The following FOXL2 variants were observed in gnomAD, a reference collection of about 807,000 sequenced individuals.
FOXL2 encodes forkhead box L2.
Under a neutral mutation model 2.5 loss-of-function variants are expected in FOXL2, and 3 were observed. The observed-to-expected ratio is 1.20, with a 90% CI of 0.55 to 3.11. The LOEUF is 3.11. Among genes scored for constraint, FOXL2 ranks in the 30% most tolerant of loss-of-function variants. The pLI is 0.03. For synonymous variants in FOXL2, 315 were observed against 269.4 expected, an observed-to-expected ratio of 1.17 and a Z score of -1.66; for missense variants, 512 against 570.0, an observed-to-expected ratio of 0.90 and a Z score of 1.04.
Position 138,945,249 on chromosome 3 carries a change from CCGCCCCGG to C in FOXL2, c.*335_*342del. The C allele has an allele frequency of 2.2e-4, 54 of 245,612 alleles. No individual in the cohort carries two copies. Among genetic ancestry groups the C allele is most frequent in the South Asian group, 1.2e-3 (7 of 5,890 alleles). 15.2% of individuals were successfully genotyped at this position (245,612 alleles called of 1,614,324 possible). ...GCGCTGCCGACGCCCGGTCGCACCT[CCGCCCCGG>C]GCCCTTTCCGCGGTGAATTTGGGCA... On this transcript the variant is annotated 3_prime_UTR_variant, in exon 1 of 1. Coordinates refer to ENST00000648323, the MANE Select transcript of FOXL2 (RefSeq NM_023067.4).
chr3:138,946,916 C>T lies in FOXL2; in HGVS notation c.-194G>A, dbSNP rs928301280. 9.5e-6 allele frequency: 8 copies of T among 838,734 alleles called. No individual in the cohort carries two copies. The highest frequency in any genetic ancestry group is 1.8e-5 in the African/African-American group (1 of 55,908). 52.0% of individuals were successfully genotyped at this position (838,734 alleles called of 1,614,324 possible). On this transcript the variant is annotated 5_prime_UTR_variant, in exon 1 of 1. Coordinates refer to ENST00000648323, the MANE Select transcript of FOXL2 (RefSeq NM_023067.4). ...CCTTCCCCTTCCCCTAGGGAGCGGC[C>T]GGCGGGAGTGGAGCTCAGCCTCTGG...
Position 138,945,840 on chromosome 3 carries a change from G to T in FOXL2, c.883C>A (p.His295Asn). ...GCGGCCGCGTGCAGATGGTGTGCGT[G>T]CGGATGCGGGTGGGGGTGCGGCGGA... ...PPPPHPHPHP[H>N]AHHLHAAAAP... Residue 295 changes from histidine (H) to asparagine (N), a missense_variant, in exon 1 of 1, where the codon CAC (histidine) becomes AAC (asparagine). Transcript: ENST00000648323. 1 of 1,224,182 alleles carries T rather than the reference G, an allele frequency of 8.2e-7. No individual in the cohort carries two copies. Among genetic ancestry groups the T allele is most frequent in the East Asian group, 3.2e-5 (1 of 30,820 alleles). 75.8% of individuals were successfully genotyped at this position (1,224,182 alleles called of 1,614,324 possible). A position where few individuals can be genotyped will look rare whatever the true frequency, so the allele number is the denominator to read the frequency against.
rs1299820916 is a variant in FOXL2 at position 138,944,487 on chromosome 3, A to G, written c.*1105T>C. ...GTTTGAAAAACAAAAAGCAGGGAGGACGAGCCGTCCCAGCAGCGTGGGCCA... is the reference window on the plus strand; with the variant it reads ...GTTTGAAAAACAAAAAGCAGGGAGGGCGAGCCGTCCCAGCAGCGTGGGCCA... On this transcript the variant is annotated 3_prime_UTR_variant, in exon 1 of 1. Transcript: ENST00000648323. The G allele has an allele frequency of 4.3e-6, 1 of 232,942 alleles. No homozygotes were observed. Among genetic ancestry groups the G allele is most frequent in the Non-Finnish European group, 8.5e-6 (1 of 117,708 alleles). The allele number at this position is 232,942 out of a possible 1,614,324, so 14.4% of individuals were successfully genotyped here. A position where few individuals can be genotyped will look rare whatever the true frequency, so the allele number is the denominator to read the frequency against.
Position 138,946,773 on chromosome 3 carries a change from G to C in FOXL2, c.-51C>G, listed in dbSNP as rs1307220030. 1 of 1,541,652 alleles carries C rather than the reference G, an allele frequency of 6.5e-7. No homozygotes were observed. The highest frequency in any genetic ancestry group is 2.0e-5 in the Admixed American group (1 of 49,140). ...GCCGCCTCTGCTCTCCGCTCCAGGC[G>C]CTGGCGCGGCAAAGAGTTGGGGCGC... On this transcript the variant is annotated 5_prime_UTR_variant, in exon 1 of 1. Transcript: ENST00000648323.
In FOXL2 at chr3:138,945,999, C is replaced by A; in HGVS notation, c.724G>T (p.Ala242Ser). 5 of 1,400,026 alleles carry A rather than the reference C, an allele frequency of 3.6e-6. No homozygotes were observed. Among genetic ancestry groups the A allele is most frequent in the Non-Finnish European group, 3.7e-6 (4 of 1,090,090 alleles). The allele number at this position is 1,400,026 out of a possible 1,614,324, so 86.7% of individuals were successfully genotyped here. A position where few individuals can be genotyped will look rare whatever the true frequency, so the allele number is the denominator to read the frequency against. The change falls in exon 1 of 1, where the codon GCC (alanine) becomes TCC (serine). Residue 242 changes from alanine to serine, a missense_variant. Around this residue, in one of 5 missense-constraint regions of FOXL2, gnomAD observed 287 missense variants for 277.4 expected, o/e 1.03. Coordinates refer to ENST00000648323, the MANE Select transcript of FOXL2 (RefSeq NM_023067.4). ...CCCGCCAGCCCCTTGACCACAGCGG[C>A]CGCGCCAGGGCTACCGGGGCCCGCG... Reference protein sequence around the residue: ...AAAGPGSPGAAAVVKGLAGPA... With the variant: ...AAAGPGSPGASAVVKGLAGPA...
In FOXL2 at chr3:138,946,105, T is replaced by A. The variant is rs1935961083; in HGVS notation, c.618A>T (p.Leu206=). ...AGGGCATGGGTGAGGGAGGCTGCGG[T>A]AGCGGCCACGAGTTGTTGAGGAAGC... is the stretch of plus-strand genomic sequence containing the variant. ...QSGFLNNSWP[L]PQPPSPMPYA... is the part of the protein sequence containing the mutation. Residue 206 remains leucine (L), a synonymous_variant, in exon 1 of 1, where the codon CTA becomes CTT. Transcript: ENST00000648323. The A allele has an allele frequency of 6.8e-7, 1 of 1,476,956 alleles. No homozygotes were observed. The highest frequency in any genetic ancestry group is 8.9e-7 in the Non-Finnish European group (1 of 1,122,264). 91.5% of individuals were successfully genotyped at this position (1,476,956 alleles called of 1,614,324 possible).
Position 138,945,788 on chromosome 3 carries a change from T to A in FOXL2, c.935A>T (p.His312Leu). The A allele has an allele frequency of 8.6e-7, 1 of 1,166,252 alleles. No individual in the cohort carries two copies. Among genetic ancestry groups the A allele is most frequent in the Non-Finnish European group, 1.1e-6 (1 of 945,262 alleles). 72.2% of individuals were successfully genotyped at this position (1,166,252 alleles called of 1,614,324 possible). A position where few individuals can be genotyped will look rare whatever the true frequency, so the allele number is the denominator to read the frequency against. ...GCCCGGCGGCGGCGCGGCGGCCCCG[T>A]GGTGCGGTGGGGCAGGCGGCGGTGC... is the stretch of plus-strand genomic sequence containing the variant. ...AAAPPPAPPHHGAAAPPPGQL... is the reference protein window; with the variant it reads ...AAAPPPAPPHLGAAAPPPGQL... Residue 312 changes from histidine (H) to leucine (L), a missense_variant, in exon 1 of 1, where the codon CAC becomes CTC. Physicochemically the swap from His to Leu is moderately conservative, Grantham distance 99. Around this residue, in one of 5 missense-constraint regions of FOXL2, gnomAD observed 287 missense variants for 277.4 expected, o/e 1.03. Coordinates refer to ENST00000648323, the MANE Select transcript of FOXL2 (RefSeq NM_023067.4).
chr3:138,945,238 C>A lies in FOXL2; in HGVS notation c.*354G>T. 2.9e-5 allele frequency: 7 copies of A among 244,434 alleles called. No individual in the cohort carries two copies. Among genetic ancestry groups the A allele is most frequent in the South Asian group, 3.2e-4 (2 of 6,190 alleles). The allele number at this position is 244,434 out of a possible 1,614,324, so 15.1% of individuals were successfully genotyped here. Reference sequence around the variant, plus strand: ...CCAAGAGGTCTGCGCTGCCGACGCCCGGTCGCACCTCCGCCCCGGGCCCTT... The same window carrying A: ...CCAAGAGGTCTGCGCTGCCGACGCCAGGTCGCACCTCCGCCCCGGGCCCTT... On this transcript the variant is annotated 3_prime_UTR_variant, in exon 1 of 1. Transcript: ENST00000648323.
In FOXL2 at chr3:138,945,053, C is replaced by G; in HGVS notation, c.*539G>C. ...GGCCCCGCGGCAAGCGGCTTCTGAACAGCTTCAAGAGGGTTCGCGGAGCAA... is the reference window on the plus strand; with the variant it reads ...GGCCCCGCGGCAAGCGGCTTCTGAAGAGCTTCAAGAGGGTTCGCGGAGCAA... On this transcript the variant is annotated 3_prime_UTR_variant, in exon 1 of 1. Coordinates refer to ENST00000648323, the MANE Select transcript of FOXL2 (RefSeq NM_023067.4). The G allele has an allele frequency of 4.3e-6, 1 of 233,078 alleles. No homozygotes were observed. The highest frequency in any genetic ancestry group is 8.5e-6 in the Non-Finnish European group (1 of 117,898). 14.4% of individuals were successfully genotyped at this position (233,078 alleles called of 1,614,324 possible). A position where few individuals can be genotyped will look rare whatever the true frequency, so the allele number is the denominator to read the frequency against.
rs1411891527 is a variant in FOXL2, at chr3:138,946,701, G to T, written c.22C>A (p.Pro8Thr). MMASYPE[P>T]EDAAGALLAP... ...AGCAGGGCCCCCGCCGCGTCCTCGGGCTCGGGGTAGCTGGCCATCATGACA... is the reference window on the plus strand; with the variant it reads ...AGCAGGGCCCCCGCCGCGTCCTCGGTCTCGGGGTAGCTGGCCATCATGACA... Residue 8 changes from proline (P) to threonine (T), a missense_variant, in exon 1 of 1, where the codon CCC becomes ACC. Physicochemically the swap from Pro to Thr is conservative, Grantham distance 38. Coordinates refer to ENST00000648323, the MANE Select transcript of FOXL2 (RefSeq NM_023067.4). 6.3e-7 allele frequency: 1 copy of T among 1,582,784 alleles called. No individual in the cohort carries two copies. The highest frequency in any genetic ancestry group is 8.6e-7 in the Non-Finnish European group (1 of 1,165,348).
rs911759094 is a variant in FOXL2, at chr3:138,945,380, G to C, written c.*212C>G. 5.4e-6 allele frequency: 4 copies of C among 737,118 alleles called. No individual in the cohort carries two copies. In the Admixed American group the frequency reaches 9.1e-5, roughly 17 times the overall value. The allele number at this position is 737,118 out of a possible 1,614,324, so 45.7% of individuals were successfully genotyped here. On this transcript the variant is annotated 3_prime_UTR_variant, in exon 1 of 1. Coordinates refer to ENST00000648323, the MANE Select transcript of FOXL2 (RefSeq NM_023067.4). Reference sequence around the variant, plus strand: ...GTGCAAGGTCACAGAGGTCAGGGAGGTGAGCACAGGAGGACATAAACTGAG... The same window carrying C: ...GTGCAAGGTCACAGAGGTCAGGGAGCTGAGCACAGGAGGACATAAACTGAG...
Position 138,945,761 on chromosome 3 carries a change from T to G in FOXL2, c.962A>C (p.Gln321Pro), listed in dbSNP as rs1282430998. 8.5e-7 allele frequency: 1 copy of G among 1,179,456 alleles called. No homozygotes were observed. Among genetic ancestry groups the G allele is most frequent in the Admixed American group, 4.7e-5 (1 of 21,494 alleles). The allele number at this position is 1,179,456 out of a possible 1,614,324, so 73.1% of individuals were successfully genotyped here. Residue 321 changes from glutamine (Q) to proline (P), a missense_variant, in exon 1 of 1, where the codon CAG (glutamine) becomes CCG (proline). By Grantham distance (76) the Gln-to-Pro change is moderately conservative. Coordinates refer to ENST00000648323, the MANE Select transcript of FOXL2 (RefSeq NM_023067.4). ...HHGAAAPPPG[Q>P]LSPASPATAA... ...GGTGGCTGGGCTGGCAGGGCTGAGC[T>G]GGCCCGGCGGCGGCGCGGCGGCCCC...
At position 138,946,973 on chromosome 3, in the gene FOXL2, C is replaced by G; in HGVS notation, c.-251G>C. On this transcript the variant is annotated 5_prime_UTR_variant, in exon 1 of 1. Coordinates refer to ENST00000648323, the MANE Select transcript of FOXL2 (RefSeq NM_023067.4). ...GGAGTCCGCCCAACAGAGAGGGGCT[C>G]CGGCCTCGCCGCCCCTCCCCGCTCA... 3.6e-6 allele frequency: 2 copies of G among 561,044 alleles called. No individual in the cohort carries two copies. The highest frequency in any genetic ancestry group is 6.2e-6 in the Non-Finnish European group (2 of 321,136). The allele number at this position is 561,044 out of a possible 1,614,324, so 34.8% of individuals were successfully genotyped here.
In FOXL2 at chr3:138,945,621, C is replaced by G. The variant is rs1366646720; in HGVS notation, c.1102G>C (p.Gly368Arg). 1 of 1,610,640 alleles carries G rather than the reference C, an allele frequency of 6.2e-7. No individual in the cohort carries two copies. Among genetic ancestry groups the G allele is most frequent in the Non-Finnish European group, 8.5e-7 (1 of 1,178,462 alleles). ...CSYWDHDSKT[G>R]ALHSRLDL ...AGATCGAGGCGCGAATGCAGCGCGC[C>G]GGTCTTGCTGTCGTGGTCCCAGTAA... The change falls in exon 1 of 1, where the codon GGC becomes CGC. Residue 368 changes from glycine to arginine, a missense_variant. Gly to Arg is a moderately radical substitution (Grantham distance 125, BLOSUM62 -2). Coordinates refer to ENST00000648323, the MANE Select transcript of FOXL2 (RefSeq NM_023067.4).
In FOXL2 at chr3:138,945,387, C is replaced by G; in HGVS notation, c.*205G>C. ...GTCACAGAGGTCAGGGAGGTGAGCA[C>G]AGGAGGACATAAACTGAGGGGACAA... On this transcript the variant is annotated 3_prime_UTR_variant, in exon 1 of 1. Transcript: ENST00000648323. 1.2e-6 allele frequency: 1 copy of G among 825,204 alleles called. No homozygotes were observed. Among genetic ancestry groups the G allele is most frequent in the South Asian group, 1.9e-5 (1 of 54,038 alleles). 51.1% of individuals were successfully genotyped at this position (825,204 alleles called of 1,614,324 possible). A position where few individuals can be genotyped will look rare whatever the true frequency, so the allele number is the denominator to read the frequency against.
In FOXL2 at chr3:138,945,405, G is replaced by T; in HGVS notation, c.*187C>A. 1 of 1,014,378 alleles carries T rather than the reference G, an allele frequency of 9.9e-7. No homozygotes were observed. The highest frequency in any genetic ancestry group is 1.4e-6 in the Non-Finnish European group (1 of 719,796). 62.8% of individuals were successfully genotyped at this position (1,014,378 alleles called of 1,614,324 possible). A position where few individuals can be genotyped will look rare whatever the true frequency, so the allele number is the denominator to read the frequency against. On this transcript the variant is annotated 3_prime_UTR_variant, in exon 1 of 1. Transcript: ENST00000648323. ...GTGAGCACAGGAGGACATAAACTGA[G>T]GGGACAAAGAGGAGCGACAGGAGCT... is the stretch of plus-strand genomic sequence containing the variant.
chr3:138,946,877 C>T lies in FOXL2; in HGVS notation c.-155G>A, dbSNP rs879804830. 5 of 1,119,368 alleles carry T rather than the reference C, an allele frequency of 4.5e-6. No individual in the cohort carries two copies. The Admixed American group carries it at 1.3e-4, about 29-fold the overall frequency. 69.3% of individuals were successfully genotyped at this position (1,119,368 alleles called of 1,614,324 possible). ...GCGCTTGCTTGCTGGAGGCCTGTCG[C>T]TGCTCTCCCCTCTCCTTCCCCTTCC... On this transcript the variant is annotated 5_prime_UTR_variant, in exon 1 of 1. Transcript: ENST00000648323.
rs775294487 is a variant in FOXL2 at position 138,945,278 on chromosome 3, G to C, written c.*314C>G. 25 of 264,434 alleles carry C rather than the reference G, an allele frequency of 9.5e-5. No homozygotes were observed. The highest frequency in any genetic ancestry group is 1.6e-4 in the Non-Finnish European group (23 of 140,348). 16.4% of individuals were successfully genotyped at this position (264,434 alleles called of 1,614,324 possible). On this transcript the variant is annotated 3_prime_UTR_variant, in exon 1 of 1. Transcript: ENST00000648323. ...CCCGGGCCCTTTCCGCGGTGAATTTGGGCAGGAGACGCTGGGGCTCCGGAA... is the reference window on the plus strand; with the variant it reads ...CCCGGGCCCTTTCCGCGGTGAATTTCGGCAGGAGACGCTGGGGCTCCGGAA...
Position 138,946,831 on chromosome 3 carries a change from T to A in FOXL2, c.-109A>T, listed in dbSNP as rs1183538350. 3 of 1,462,454 alleles carry A rather than the reference T, an allele frequency of 2.1e-6. No homozygotes were observed. Among genetic ancestry groups the A allele is most frequent in the Non-Finnish European group, 2.8e-6 (3 of 1,090,498 alleles). 90.6% of individuals were successfully genotyped at this position (1,462,454 alleles called of 1,614,324 possible). ...CGCTTACGGCCAAGTCTCAAACTTC[T>A]GGAGACTGCGGATGCCGCCCGCGCT... is the stretch of plus-strand genomic sequence containing the variant. On this transcript the variant is annotated 5_prime_UTR_variant, in exon 1 of 1. Coordinates refer to ENST00000648323, the MANE Select transcript of FOXL2 (RefSeq NM_023067.4).
Sources: gnomAD v4.1 joint callset for allele counts on GRCh38, gnomAD v4.1.1 for gene constraint, gnomAD v4.1.1 regional missense constraint, MANE v1.5 for transcripts, NCBI Gene and HGNC (gene_info 2026-07-23, HGNC 2026-07-21) for gene names.